GPC6: variants seen among roughly 807,000 people sequenced by gnomAD.
GPC6 encodes the protein glypican-6.
In GPC6, 14 loss-of-function variants were observed where a neutral mutation model predicts 55.2. The observed-to-expected ratio is 0.25, with a 90% CI of 0.17 to 0.40. GPC6 has a LOEUF of 0.40. Ranked by LOEUF, GPC6 falls within the 10% of genes least tolerant of loss-of-function variation. The pLI, the probability that GPC6 is intolerant of heterozygous loss-of-function variation, is 1.00. For synonymous variants in GPC6, 278 were observed against 259.6 expected (o/e 1.07, Z -0.68); for missense variants, 641 against 708.5 (o/e 0.90, Z 1.08).
chr13:94,327,982 TG>T (rs1165890770), intron 6 of GPC6, among the ~76,000 whole-genome samples: 1 of 152,090 alleles, frequency 6.6e-6, no homozygotes, highest in African/African-American at 2.4e-5. Context: ...CCTCCGATTT[TG>T]TTGGGAGAAA....
intron 6 of GPC6, among the ~76,000 whole-genome samples, chr13:94,370,264 A>G (rs768332419): frequency 2.6e-5 from 4 of 152,250 alleles, no homozygotes; most frequent in African/African-American, 9.6e-5. Context: ...ACCACAAAAG[A>G]ACAAATAGCA....
intron 4 of GPC6, among the ~76,000 whole-genome samples, chr13:94,042,301 C>T (rs1379413216): frequency 6.6e-6 from 1 of 151,764 alleles, no homozygotes; most frequent in Non-Finnish European, 1.5e-5. Context: ...AACTGTGAGC[C>T]GATTAAACCT....
chr13:93,383,246 C>G (rs1424926471), intron 1 of GPC6, among the ~76,000 whole-genome samples: 1 of 152,154 alleles, frequency 6.6e-6, no homozygotes. Flanking sequence ...GGGTCTCACT[C>G]TGCTGTCCAG....
At chr13:93,405,886 C>T (rs1413031668) in intron 1 of GPC6, among the ~76,000 whole-genome samples, 2 of 152,196 alleles carry the variant, frequency 1.3e-5, no homozygotes, top group Non-Finnish European at 2.9e-5. Flanking sequence ...CCCCTTCATG[C>T]AGCTGCATTC....
intron 4 of GPC6, among the ~76,000 whole-genome samples, chr13:94,078,750 T>TA (rs997578141): frequency 2.0e-5 from 3 of 151,848 alleles, no homozygotes; most frequent in Non-Finnish European, 4.4e-5. Context: ...GACACAGTAA[T>TA]AAAAAACCTC....
chr13:93,846,773 C>T (rs2139005968), intron 3 of GPC6, among the ~76,000 whole-genome samples: 1 of 152,286 alleles, frequency 6.6e-6, no homozygotes, highest in Middle Eastern at 3.4e-3. Flanking sequence ...GAGATTGCGC[C>T]ATTGCACTCC....
At chr13:93,983,361 T>G (rs1336100787) in intron 3 of GPC6, among the ~76,000 whole-genome samples, 1 of 152,154 alleles carries the variant, frequency 6.6e-6, no homozygotes, top group Non-Finnish European at 1.5e-5. Flanking sequence ...ATAACTGAGT[T>G]ATCAGCTTTC....
chr13:93,689,695 C>T (rs990316357), intron 2 of GPC6, among the ~76,000 whole-genome samples: 7 of 152,048 alleles, frequency 4.6e-5, no homozygotes, highest in Non-Finnish European at 1.0e-4. Context: ...ATGACTATTC[C>T]CTCCATATTT....
chr13:93,350,025 A>C (rs917063737), intron 1 of GPC6, among the ~76,000 whole-genome samples: 1 of 152,220 alleles, frequency 6.6e-6, no homozygotes, highest in Non-Finnish European at 1.5e-5. Context: ...TTTTCACAAC[A>C]GTCTTTTGAG....
intron 3 of GPC6, among the ~76,000 whole-genome samples, chr13:93,976,788 C>T (rs1880537559): frequency 6.6e-6 from 1 of 151,804 alleles, no homozygotes; most frequent in Non-Finnish European, 1.5e-5. Context: ...GAAGGACAGC[C>T]ACCTGCAGGC....
intron 6 of GPC6, among the ~76,000 whole-genome samples, chr13:94,341,166 G>A (rs1381381801): frequency 6.6e-6 from 1 of 152,176 alleles, no homozygotes; most frequent in African/African-American, 2.4e-5. Context: ...AACAGGTTCT[G>A]TAATTAACTT....
In GPC6 at chr13:93,967,882, C is replaced by A. The variant is rs950834051; in HGVS notation, c.712-59847C>A. 8.5e-5 allele frequency among the ~76,000 whole-genome samples: 13 copies of A among 152,200 alleles called. No individual in the cohort carries two copies. In the South Asian group the frequency reaches 2.7e-3, roughly 32 times the overall value. ...ACCTCAGAGACTACACACATTGTAA[C>A]CCTTTAAAAACTGTTGGCAAATTGG... On this transcript the variant is annotated intron_variant, in intron 3 of 8. Transcript: ENST00000377047.
intron 4 of GPC6, among the ~76,000 whole-genome samples, chr13:94,201,720 G>A (rs961262260): frequency 6.6e-5 from 10 of 152,242 alleles, no homozygotes; most frequent in African/African-American, 2.4e-4. Context: ...GGAGGTGAAG[G>A]CAGGCCGATC....
chr13:94,239,971 C>T (rs1237657033), intron 4 of GPC6, among the ~76,000 whole-genome samples: 2 of 152,058 alleles, frequency 1.3e-5, no homozygotes, highest in Non-Finnish European at 2.9e-5. Context: ...TACTTTAAAA[C>T]AGCACTGAAT....
intron 1 of GPC6, among the ~76,000 whole-genome samples, chr13:93,280,273 A>G (rs1451842263): frequency 1.3e-5 from 2 of 152,164 alleles, no homozygotes; most frequent in African/African-American, 4.8e-5. Flanking sequence ...TAATTCCCCA[A>G]ATAAATTCAG....
intron 2 of GPC6, among the ~76,000 whole-genome samples, chr13:93,763,639 A>G (rs1885021478): frequency 6.6e-6 from 1 of 152,214 alleles, no homozygotes; most frequent in Non-Finnish European, 1.5e-5. Flanking sequence ...CCCATGATTT[A>G]TCATAGGATA....
chr13:94,047,042 T>C (rs1883759363), intron 4 of GPC6, among the ~76,000 whole-genome samples: 2 of 152,130 alleles, frequency 1.3e-5, no homozygotes, highest in Non-Finnish European at 2.9e-5. Flanking sequence ...ATCATTACTC[T>C]ATTTGAATAG....
chr13:93,682,546 T>C (rs1308088128), intron 2 of GPC6, among the ~76,000 whole-genome samples: 2 of 152,114 alleles, frequency 1.3e-5, no homozygotes, highest in African/African-American at 4.8e-5. Flanking sequence ...CAGCATCCTC[T>C]GCACTCGCAG....
intron 2 of GPC6, among the ~76,000 whole-genome samples, chr13:93,691,923 A>T (rs1882271987): frequency 6.6e-6 from 1 of 152,058 alleles, no homozygotes; most frequent in East Asian, 1.9e-4. Flanking sequence ...AGTTAGAGAG[A>T]ACAACTAATA....
Sources: gnomAD v4.1 joint callset for allele counts (sites outside exome capture counted in the v4.1 genomes callset) on GRCh38, gnomAD v4.1.1 for gene constraint, MANE v1.5 for transcripts, NCBI Gene and HGNC (gene_info 2026-07-23, HGNC 2026-07-21) for gene names.